Variants in STAU2 observed in about 807,000 individuals in gnomAD.
STAU2 encodes double-stranded RNA-binding protein Staufen homolog 2.
A neutral mutation model predicts 65.9 loss-of-function variants in STAU2; 20 were observed. The ratio of observed to expected loss-of-function variants is 0.30; its 90% CI spans 0.21 to 0.44. STAU2 has a LOEUF of 0.44. Ranked by LOEUF, STAU2 falls within the 20% of genes least tolerant of loss-of-function variation. The probability of loss-of-function intolerance (pLI) is 1.00; values close to 1 mark genes in which losing one functional copy is unlikely to be tolerated. For missense variants in STAU2, 558 were observed against 683.9 expected (o/e 0.82, Z 2.05); for synonymous variants, 232 against 233.9 (o/e 0.99, Z 0.07).
chr8:73,583,103 G>C (rs2128962800), intron 11 of STAU2, among the ~76,000 whole-genome samples: 1 of 151,232 alleles, frequency 6.6e-6, no homozygotes, highest in Middle Eastern at 3.4e-3. Context: ...TTCAATATAT[G>C]TATTATTAGA....
intron 13 of STAU2, among the ~76,000 whole-genome samples, chr8:73,546,123 CT>C (rs71561528): frequency 3.1e-4 from 29 of 93,316 alleles, no homozygotes; most frequent in South Asian, 1.3e-3. Context: ...GTTTGGTTTT[CT>C]TTTTTTTTTT....
At chr8:73,482,901 CAACT>C (rs71561526) in intron 13 of STAU2, among the ~76,000 whole-genome samples, 16,844 of 152,094 alleles carry the variant, frequency 0.11, 1,281 homozygotes, top group African/African-American at 0.22. Context: ...GCTATTTAAC[CAACT>C]GAGATGACTT....
intron 12 of STAU2, among the ~76,000 whole-genome samples, chr8:73,582,418 CTTT>C (rs1316628366): frequency 6.7e-6 from 1 of 149,618 alleles, no homozygotes; most frequent in African/African-American, 2.4e-5. Flanking sequence ...ATAATTACTT[CTTT>C]ATTTTTATTA....
intron 13 of STAU2, among the ~76,000 whole-genome samples, chr8:73,476,964 G>A (rs553296822): frequency 6.6e-6 from 1 of 152,344 alleles, no homozygotes; most frequent in African/African-American, 2.4e-5. Context: ...GGGGCATAAT[G>A]TGAAGTTAAT....
chr8:73,738,828 T>C (rs1806627494), intron 2 of STAU2, among the ~76,000 whole-genome samples: 1 of 152,238 alleles, frequency 6.6e-6, no homozygotes, highest in Non-Finnish European at 1.5e-5. Flanking sequence ...CTAAAGAAGA[T>C]GCAACACCAC....
chr8:73,639,489 C>T (rs1057109669), intron 6 of STAU2, among the ~76,000 whole-genome samples: 2 of 151,988 alleles, frequency 1.3e-5, no homozygotes, highest in Non-Finnish European at 2.9e-5. Context: ...TCTAGCTAAC[C>T]CTTCCTAAGA....
At chr8:73,549,701 A>C (rs546507835) in intron 13 of STAU2, 1 of 985,660 alleles carries the variant, frequency 1.0e-6, no homozygotes, top group Admixed American at 6.1e-5. Context: ...TGGGCAAGGA[A>C]AGCCAAAGAA....
At chr8:73,724,736 C>A (rs1457069096) in intron 3 of STAU2, among the ~76,000 whole-genome samples, 2 of 149,246 alleles carry the variant, frequency 1.3e-5, no homozygotes, top group African/African-American at 5.0e-5. Context: ...GTCACCCAGA[C>A]TAGAATGCAA....
rs910033418 is a variant in STAU2 at position 73,669,106 on chromosome 8, G to T, written c.410+4001C>A. The stretch of plus-strand genomic sequence containing the variant: ...AGTCCCTGTAATCCATTCAAGTGTT[G>T]CCATCTATAAATTAAAATAAATATG... On this transcript the variant is annotated intron_variant, in intron 6 of 14. Transcript: ENST00000524300. The T allele has an allele frequency of 1.0e-5, 7 of 701,806 alleles. No individual in the cohort carries two copies. The African/African-American group carries it at 1.0e-4, about 11-fold the overall frequency. 43.5% of individuals were successfully genotyped at this position (701,806 alleles called of 1,614,324 possible).
At chr8:73,464,360 T>C (rs1367574407) in intron 13 of STAU2, among the ~76,000 whole-genome samples, 4 of 152,210 alleles carry the variant, frequency 2.6e-5, no homozygotes, top group Admixed American at 2.0e-4. Context: ...GTGACACCTA[T>C]TCTCTATTCT....
chr8:73,731,549 C>G (rs1806072452), intron 3 of STAU2, among the ~76,000 whole-genome samples: 1 of 152,126 alleles, frequency 6.6e-6, no homozygotes, highest in Non-Finnish European at 1.5e-5. Context: ...TGTCTAAAAG[C>G]TATTGTTTAT....
chr8:73,717,450 G>A lies in STAU2; in HGVS notation c.-17-8288C>T, dbSNP rs528499139. On this transcript the variant is annotated intron_variant, in intron 3 of 14. Transcript: ENST00000524300. Reference sequence around the variant, plus strand: ...TTTTGAGTTAGTTTTCCTATACAGCGCAAGGTATGAATCCATTTTTTGTAT... The same window carrying A: ...TTTTGAGTTAGTTTTCCTATACAGCACAAGGTATGAATCCATTTTTTGTAT... Among the ~76,000 whole-genome samples the A allele has an allele frequency of 2.3e-4, 35 of 152,194 alleles. No homozygotes were observed. In the South Asian group the frequency reaches 6.6e-3, roughly 29 times the overall value.
At chr8:73,556,680 C>G (rs1807797392) in intron 12 of STAU2, among the ~76,000 whole-genome samples, 1 of 152,118 alleles carries the variant, frequency 6.6e-6, no homozygotes, top group Non-Finnish European at 1.5e-5. Flanking sequence ...TCGCTTGAAC[C>G]CGGGAGGTGG....
chr8:73,562,303 C>G (rs186147267), intron 12 of STAU2, among the ~76,000 whole-genome samples: 1 of 152,116 alleles, frequency 6.6e-6, no homozygotes. Context: ...CTGGGCTATA[C>G]AGCAAGGTGC....
intron 13 of STAU2, among the ~76,000 whole-genome samples, chr8:73,490,124 T>C (rs1821088230): frequency 1.3e-5 from 2 of 152,036 alleles, no homozygotes; most frequent in Admixed American, 1.3e-4. Flanking sequence ...ACTGATTATA[T>C]TGTGCCATCA....
chr8:73,455,546 C>A (rs745451771), intron 13 of STAU2, among the ~76,000 whole-genome samples: 35 of 152,034 alleles, frequency 2.3e-4, no homozygotes, highest in Non-Finnish European at 4.7e-4. Flanking sequence ...CCAGAGCAGC[C>A]CAAACCAGGA....
chr8:73,684,132 A>C (rs1260039025), intron 5 of STAU2, among the ~76,000 whole-genome samples: 1 of 152,200 alleles, frequency 6.6e-6, no homozygotes, highest in African/African-American at 2.4e-5. Flanking sequence ...TGGAACCAAA[A>C]AAGAGCCCAC....
intron 13 of STAU2, among the ~76,000 whole-genome samples, chr8:73,540,307 G>A (rs1379072093): frequency 1.3e-5 from 2 of 152,134 alleles, no homozygotes; most frequent in African/African-American, 4.8e-5. Context: ...GCAGAAACTG[G>A]AATGATGAAT....
At chr8:73,732,032 T>C (rs1201212357) in intron 3 of STAU2, among the ~76,000 whole-genome samples, 1 of 152,194 alleles carries the variant, frequency 6.6e-6, no homozygotes, top group Non-Finnish European at 1.5e-5. Flanking sequence ...ACAGCTTAGA[T>C]GGGTAGTTCT....
Sources: gnomAD v4.1 joint callset for allele counts (sites outside exome capture counted in the v4.1 genomes callset) on GRCh38, gnomAD v4.1.1 for gene constraint, MANE v1.5 for transcripts, NCBI Gene and HGNC (gene_info 2026-07-23, HGNC 2026-07-21) for gene names.